PDE3A: variants seen among roughly 807,000 people sequenced by gnomAD.
PDE3A encodes the protein phosphodiesterase 3A.
In PDE3A, 43 loss-of-function variants were observed where a neutral mutation model predicts 98.3. The observed-to-expected ratio is 0.44, with a 90% CI of 0.34 to 0.56. The LOEUF is 0.56. PDE3A is among the 20% of genes least tolerant of loss of function. The pLI is 0.01. For synonymous variants in PDE3A, 663 were observed against 567.9 expected, an observed-to-expected ratio of 1.17 and a Z score of -2.38; for missense variants, 1,427 against 1,440.7, an observed-to-expected ratio of 0.99 and a Z score of 0.15.
At chr12:20,649,582 ATTAAG>A (rs1267933967) in intron 13 of PDE3A, among the ~76,000 whole-genome samples, 2 of 152,198 alleles carry the variant, frequency 1.3e-5, no homozygotes, top group African/African-American at 2.4e-5. Context: ...ATGCCCAAAT[ATTAAG>A]TTATGACAAT....
intron 15 of PDE3A, among the ~76,000 whole-genome samples, chr12:20,673,919 T>G (rs1592173878): frequency 6.6e-6 from 1 of 152,100 alleles, no homozygotes; most frequent in East Asian, 1.9e-4. Flanking sequence ...TTGGGTAGAA[T>G]GGTCATTTTA....
intron 2 of PDE3A, among the ~76,000 whole-genome samples, chr12:20,607,603 G>T (rs1943744312): frequency 6.6e-6 from 1 of 152,014 alleles, no homozygotes; most frequent in East Asian, 1.9e-4. Flanking sequence ...AAATTTGGTT[G>T]CCATTTAAAT....
chr12:20,455,858 C>T (rs949504285), intron 1 of PDE3A, among the ~76,000 whole-genome samples: 7 of 152,088 alleles, frequency 4.6e-5, no homozygotes, highest in Non-Finnish European at 7.4e-5. Context: ...CTTGGGTCTA[C>T]GTGAACAGAT....
chr12:20,590,120 G>T (rs1460224669), intron 2 of PDE3A, among the ~76,000 whole-genome samples: 1 of 151,810 alleles, frequency 6.6e-6, no homozygotes, highest in African/African-American at 2.4e-5. Context: ...TAAAACAAAG[G>T]TACTCTTACT....
At chr12:20,665,879 A>T (rs1004830325) in intron 15 of PDE3A, among the ~76,000 whole-genome samples, 2 of 151,006 alleles carry the variant, frequency 1.3e-5, no homozygotes, top group Non-Finnish European at 3.0e-5. Flanking sequence ...GGGGCACATG[A>T]TATTTTGCTA....
chr12:20,411,328 C>T (rs965710744), intron 1 of PDE3A, among the ~76,000 whole-genome samples: 2 of 152,136 alleles, frequency 1.3e-5, no homozygotes, highest in Admixed American at 1.3e-4. Context: ...CCTCTGGTAG[C>T]CACCATTCCA....
chr12:20,519,696 G>A (rs1946387960), intron 1 of PDE3A, among the ~76,000 whole-genome samples: 1 of 152,180 alleles, frequency 6.6e-6, no homozygotes, highest in African/African-American at 2.4e-5. Flanking sequence ...ATGAACATAT[G>A]TGCAAGATGT....
intron 1 of PDE3A, among the ~76,000 whole-genome samples, chr12:20,432,005 TC>T (rs1378687824): frequency 9.8e-5 from 15 of 152,326 alleles, no homozygotes; most frequent in African/African-American, 3.6e-4. Flanking sequence ...CAGCATGGTT[TC>T]TTTTTTTTAC....
At chr12:20,673,255 C>T (rs1349486937) in intron 15 of PDE3A, among the ~76,000 whole-genome samples, 2 of 151,564 alleles carry the variant, frequency 1.3e-5, no homozygotes, top group Non-Finnish European at 2.9e-5. Flanking sequence ...GTTGGTGGGA[C>T]TGTAAACTAG....
At chr12:20,444,960 A>T (rs886266157) in intron 1 of PDE3A, among the ~76,000 whole-genome samples, 12 of 152,184 alleles carry the variant, frequency 7.9e-5, no homozygotes, top group African/African-American at 2.9e-4. Flanking sequence ...CCTACGCGGG[A>T]TCAGTAAATT....
chr12:20,515,578 T>A (rs962598206), intron 1 of PDE3A, among the ~76,000 whole-genome samples: 3 of 152,148 alleles, frequency 2.0e-5, no homozygotes, highest in Admixed American at 2.0e-4. Context: ...TGGGTTACAC[T>A]GGAAAGAATC....
intron 1 of PDE3A, among the ~76,000 whole-genome samples, chr12:20,399,270 G>C (rs943853353): frequency 6.6e-6 from 1 of 152,042 alleles, no homozygotes; most frequent in Non-Finnish European, 1.5e-5. Context: ...TACATATGTT[G>C]CTATGAATAT....
intron 2 of PDE3A, among the ~76,000 whole-genome samples, chr12:20,587,293 C>T (rs149869332): frequency 0.024 from 3,605 of 152,154 alleles, 123 homozygotes; most frequent in African/African-American, 0.081. Flanking sequence ...CGCTTGAACG[C>T]GGGAGGCAGA....
intron 2 of PDE3A, among the ~76,000 whole-genome samples, chr12:20,565,472 T>G (rs1332494358): frequency 2.0e-5 from 3 of 151,982 alleles, no homozygotes; most frequent in East Asian, 1.9e-4. Flanking sequence ...AAAAAAAGAT[T>G]GTGCCAAAAA....
intron 11 of PDE3A, 46 bp from the exon 12 acceptor site, chr12:20,646,705 C>G: frequency 6.3e-6 from 9 of 1,437,254 alleles, no homozygotes; most frequent in Non-Finnish European, 8.8e-6. Context: ...CAAATAATGT[C>G]AGTACTTTTT....
chr12:20,651,006 T>C (rs529807164), intron 14 of PDE3A, among the ~76,000 whole-genome samples: 114 of 152,298 alleles, frequency 7.5e-4, no homozygotes, highest in Non-Finnish European at 7.5e-4. Context: ...TCCTAAAAAA[T>C]TTATTTATTA....
In PDE3A at chr12:20,686,906, G is replaced by C. The variant is rs1428752746; in HGVS notation, c.*6635G>C. On this transcript the variant is annotated 3_prime_UTR_variant, in exon 16 of 16. Coordinates refer to ENST00000359062, the MANE Select transcript of PDE3A (RefSeq NM_000921.5). ...TACATAAAATTTGCAGGGTATCCCAGGACACCCCTCAGTCTTTAATACAAA... is the reference window on the plus strand; with the variant it reads ...TACATAAAATTTGCAGGGTATCCCACGACACCCCTCAGTCTTTAATACAAA... Among the ~76,000 whole-genome samples the C allele has an allele frequency of 6.6e-6, 1 of 152,062 alleles. No homozygotes were observed. The highest frequency in any genetic ancestry group is 1.5e-5 in the Non-Finnish European group (1 of 67,992).
At chr12:20,456,812 C>T (rs762082243) in intron 1 of PDE3A, among the ~76,000 whole-genome samples, 4 of 152,064 alleles carry the variant, frequency 2.6e-5, no homozygotes, top group Non-Finnish European at 5.9e-5. Flanking sequence ...AAAGAATTAA[C>T]GCTATGGGCT....
chr12:20,539,216 G>A (rs923891765), intron 1 of PDE3A, among the ~76,000 whole-genome samples: 1 of 152,034 alleles, frequency 6.6e-6, no homozygotes, highest in Admixed American at 6.6e-5. Context: ...TCTTGGGGAT[G>A]GGACCCACGT....
Sources: gnomAD v4.1 joint callset for allele counts (sites outside exome capture counted in the v4.1 genomes callset) on GRCh38, gnomAD v4.1.1 for gene constraint, MANE v1.5 for transcripts, NCBI Gene and HGNC (gene_info 2026-07-23, HGNC 2026-07-21) for gene names.